Variants in DDX24 observed in about 807,000 individuals in gnomAD.
DDX24 encodes the protein DEAD-box helicase 24.
Under a neutral mutation model 68.9 loss-of-function variants are expected in DDX24, and 24 were observed. That is an observed-to-expected ratio of 0.35 (90% CI 0.25 to 0.49). The LOEUF is 0.49. Among genes scored for constraint, DDX24 ranks in the 20% least tolerant of loss-of-function variants. DDX24 has a pLI of 0.99. For synonymous variants in DDX24, 395 were observed against 385.2 expected (o/e 1.03, Z -0.30); for missense variants, 989 against 1,039.0 (o/e 0.95, Z 0.66).
intron 7 of DDX24, 44 bp from the exon 8 acceptor site, chr14:94,053,171 G>C (rs748557635): frequency 1.9e-6 from 3 of 1,612,358 alleles, no homozygotes; most frequent in East Asian, 4.5e-5. Context: ...ATAGAGTTCA[G>C]GCCTCTGGGA....
intron 2 of DDX24, among the ~76,000 whole-genome samples, chr14:94,063,626 TA>T (rs1205789111): frequency 7.2e-5 from 11 of 152,200 alleles, no homozygotes; most frequent in Non-Finnish European, 1.2e-4. Flanking sequence ...CGTAGGTAAA[TA>T]TTTAAAAACT....
chr14:94,078,959 T>G, intron 2 of DDX24, 66 bp downstream of exon 2: 1 of 1,460,118 alleles, frequency 6.8e-7, no homozygotes, highest in Non-Finnish European at 9.3e-7. Context: ...CTCCCAATTA[T>G]CTGGCCTATT....
In DDX24 at chr14:94,051,100, TTGGTGGTG is replaced by T; in HGVS notation, c.*83_*90del. 3 of 1,430,324 alleles carry T rather than the reference TTGGTGGTG, an allele frequency of 2.1e-6. No individual in the cohort carries two copies. Among genetic ancestry groups the T allele is most frequent in the Non-Finnish European group, 2.8e-6 (3 of 1,077,572 alleles). 88.6% of individuals were successfully genotyped at this position (1,430,324 alleles called of 1,614,324 possible). On this transcript the variant is annotated 3_prime_UTR_variant, in exon 9 of 9. Coordinates refer to ENST00000621632, the MANE Select transcript of DDX24 (RefSeq NM_020414.4). ...GAGAGGGAGACTTTTTTACCTGGGG[TTGGTGGTG>T]GAGTGAAACACAAGGGTGGGAGAGG...
chr14:94,065,014 C>T (rs1885671197), intron 2 of DDX24, among the ~76,000 whole-genome samples: 1 of 151,944 alleles, frequency 6.6e-6, no homozygotes, highest in African/African-American at 2.4e-5. Context: ...TGGGAAAAAC[C>T]CACACATTTG....
chr14:94,068,073 G>A (rs1398302601), intron 2 of DDX24, among the ~76,000 whole-genome samples: 1 of 152,134 alleles, frequency 6.6e-6, no homozygotes, highest in African/African-American at 2.4e-5. Flanking sequence ...ACTGCAGAAT[G>A]GATGCAGAAC....
intron 2 of DDX24, among the ~76,000 whole-genome samples, chr14:94,078,195 T>G (rs1885984823): frequency 6.6e-6 from 1 of 152,236 alleles, no homozygotes; most frequent in African/African-American, 2.4e-5. Context: ...ATATAGGTTA[T>G]ATGTAAGCAC....
Position 94,048,474 on chromosome 14 carries a change from T to G in DDX24, c.*2717A>C, listed in dbSNP as rs1885323003. ...CTTCAGCATTCACTTACTAGCTGTA[T>G]GATCTTGGCCAAGTCACTTCACCTC... On this transcript the variant is annotated 3_prime_UTR_variant, in exon 9 of 9. Coordinates refer to ENST00000621632, the MANE Select transcript of DDX24 (RefSeq NM_020414.4). The G allele has an allele frequency of 6.6e-6, 1 of 152,268 alleles. No homozygotes were observed. Among genetic ancestry groups the G allele is most frequent in the African/African-American group, 2.4e-5 (1 of 41,478 alleles). 9.4% of individuals were successfully genotyped at this position (152,268 alleles called of 1,614,324 possible). A position where few individuals can be genotyped will look rare whatever the true frequency, so the allele number is the denominator to read the frequency against.
At chr14:94,075,133 T>A (rs184226398) in intron 2 of DDX24, among the ~76,000 whole-genome samples, 3 of 152,324 alleles carry the variant, frequency 2.0e-5, no homozygotes, top group Admixed American at 1.3e-4. Flanking sequence ...AGCTTACTTT[T>A]TTTGTAGAAA....
intron 5 of DDX24, among the ~76,000 whole-genome samples, chr14:94,058,317 TC>T (rs1271399521): frequency 6.6e-6 from 1 of 152,166 alleles, no homozygotes; most frequent in Non-Finnish European, 1.5e-5. Context: ...CACTTGCTAC[TC>T]CTTAAGGCCT....
rs755447680 is a variant in DDX24 at position 94,079,333 on chromosome 14, G to A, written c.410C>T (p.Pro137Leu). 9 of 1,613,836 alleles carry A rather than the reference G, an allele frequency of 5.6e-6. No individual in the cohort carries two copies. The highest frequency in any genetic ancestry group is 5.0e-5 in the Admixed American group (3 of 59,986). ...TTCTGATGTCATCTCCCCAGCCTCCGGATCATCACAAACCATGTCATCTCC... is the reference window on the plus strand; with the variant it reads ...TTCTGATGTCATCTCCCCAGCCTCCAGATCATCACAAACCATGTCATCTCC... ...AQGDDMVCDD[P>L]EAGEMTSENL... Residue 137 changes from proline (P) to leucine (L), a missense_variant, in exon 2 of 9, where the codon CCG becomes CTG. Transcript: ENST00000621632.
At chr14:94,065,104 CA>C (rs1490984044) in intron 2 of DDX24, among the ~76,000 whole-genome samples, 3 of 150,216 alleles carry the variant, frequency 2.0e-5, no homozygotes, top group Non-Finnish European at 4.4e-5. Flanking sequence ...GGCTGGAGTA[CA>C]GTGGTACAAT....
chr14:94,057,819 T>C lies in DDX24; in HGVS notation c.1989+3A>G, dbSNP rs751912648. Reference sequence around the variant, plus strand: ...ATGCCTATAAATTTTCAGATGCCCCTACCTGGTAATGGATGACATGCTGGA... The same window carrying C: ...ATGCCTATAAATTTTCAGATGCCCCCACCTGGTAATGGATGACATGCTGGA... On this transcript the variant is annotated splice_donor_region_variant and intron_variant, in intron 6 of 8. Transcript: ENST00000621632. 8 of 1,613,474 alleles carry C rather than the reference T, an allele frequency of 5.0e-6. No individual in the cohort carries two copies. The East Asian group carries it at 1.3e-4, about 27-fold the overall frequency.
At chr14:94,074,255 T>G (rs1426874330) in intron 2 of DDX24, among the ~76,000 whole-genome samples, 1 of 152,160 alleles carries the variant, frequency 6.6e-6, no homozygotes. Context: ...GCTACATTAC[T>G]GATTCCAACA....
intron 2 of DDX24, among the ~76,000 whole-genome samples, chr14:94,070,023 CAA>C (rs1885797005): frequency 6.6e-6 from 1 of 151,614 alleles, no homozygotes; most frequent in African/African-American, 2.4e-5. Context: ...AGCAATAAGA[CAA>C]GAGAAAAAAA....
At position 94,060,235 on chromosome 14, in the gene DDX24, C is replaced by G. The variant is rs756107803; in HGVS notation, c.1776G>C (p.Val592=). 9.9e-6 allele frequency: 16 copies of G among 1,614,178 alleles called. No individual in the cohort carries two copies. The highest frequency in any genetic ancestry group is 1.4e-5 in the Non-Finnish European group (16 of 1,180,032). The change falls in exon 5 of 9, where the codon GTG becomes GTC. Residue 592 remains valine (V), a synonymous_variant. Coordinates refer to ENST00000621632, the MANE Select transcript of DDX24 (RefSeq NM_020414.4). ...FLMQYPGRSL[V]FANSISCIKR... ...TGATGCAGGAGATACTGTTGGCAAA[C>G]ACTAAGCTGCGGCCTGGATACTGCA...
At chr14:94,053,174 C>T (rs1446386409) in intron 7 of DDX24, 47 bp from the exon 8 acceptor site, 2 of 1,611,684 alleles carry the variant, frequency 1.2e-6, no homozygotes, top group Non-Finnish European at 1.7e-6. Flanking sequence ...GAGTTCAGGC[C>T]TCTGGGAAGC....
At chr14:94,053,302 T>A in intron 7 of DDX24, 175 bp from the exon 8 acceptor site, 1 of 503,712 alleles carries the variant, frequency 2.0e-6, no homozygotes, top group Non-Finnish European at 3.1e-6. Flanking sequence ...GATCAAGCAA[T>A]CCTCCCACCT....
chr14:94,053,201 T>C, intron 7 of DDX24, 74 bp from the exon 8 acceptor site: 2 of 1,596,230 alleles, frequency 1.3e-6, no homozygotes, highest in South Asian at 2.2e-5. Context: ...TCACTTGAGT[T>C]GTGTTTGTGT....
rs1027116544 is a variant in DDX24, at chr14:94,078,821, TGA to T, written c.718+202_718+203del. The stretch of plus-strand genomic sequence containing the variant: ...TGGTTGATAATGGGGTCTACAGAGC[TGA>T]GAGAGATAAAAGTGATCTGGCTAGG... On this transcript the variant is annotated intron_variant, in intron 2 of 8. Coordinates refer to ENST00000621632, the MANE Select transcript of DDX24 (RefSeq NM_020414.4). The T allele has an allele frequency of 1.5e-4, 90 of 595,328 alleles. 1 individual carries two copies. The African/African-American group carries it at 1.5e-3, about 10-fold the overall frequency. The allele number at this position is 595,328 out of a possible 1,614,324, so 36.9% of individuals were successfully genotyped here.
Sources: gnomAD v4.1 joint callset for allele counts (sites outside exome capture counted in the v4.1 genomes callset) on GRCh38, gnomAD v4.1.1 for gene constraint, MANE v1.5 for transcripts, NCBI Gene and HGNC (gene_info 2026-07-23, HGNC 2026-07-21) for gene names.